The following WDR43 variants were observed in gnomAD, a reference collection of about 807,000 sequenced individuals.
WDR43 encodes WD repeat domain 43.
Under a neutral mutation model 91.4 loss-of-function variants are expected in WDR43, and 13 were observed. The ratio of observed to expected loss-of-function variants is 0.14; its 90% CI spans 0.09 to 0.23. WDR43 has a LOEUF of 0.23. Ranked by LOEUF, WDR43 falls within the 10% of genes least tolerant of loss-of-function variation. WDR43 has a pLI of 1.00. For missense variants in WDR43, 780 were observed against 809.4 expected, an observed-to-expected ratio of 0.96 and a Z score of 0.44; for synonymous variants, 331 against 287.9, an observed-to-expected ratio of 1.15 and a Z score of -1.51.
Position 28,926,932 on chromosome 2 carries a change from A to G in WDR43, c.1173+378A>G, listed in dbSNP as rs1046503298. 2.4e-5 allele frequency: 9 copies of G among 380,874 alleles called. No homozygotes were observed. The East Asian group carries it at 5.7e-4, about 24-fold the overall frequency. 23.6% of individuals were successfully genotyped at this position (380,874 alleles called of 1,614,324 possible). ...GGAATGCTGTATTTCAGGGTGTAAT[A>G]AAACCGTCATGGGGCTAGAATATAA... On this transcript the variant is annotated intron_variant, in intron 9 of 17. Coordinates refer to ENST00000407426, the MANE Select transcript of WDR43 (RefSeq NM_015131.3).
At chr2:28,941,366 T>C in intron 14 of WDR43, 95 bp from the exon 15 acceptor site, 1 of 857,142 alleles carries the variant, frequency 1.2e-6, no homozygotes, top group Non-Finnish European at 1.9e-6. Flanking sequence ...ATGTGTGTGG[T>C]GCAGTGGCTA....
chr2:28,925,006 A>G lies in WDR43; in HGVS notation c.939A>G (p.Ser313=). ...GGTACTGCAAAAAGCCTTTGACTTCAAACTGCACAATTCAGATAGCAACAC... is the reference window on the plus strand; with the variant it reads ...GGTACTGCAAAAAGCCTTTGACTTCGAACTGCACAATTCAGATAGCAACAC... ...LNGYCKKPLT[S]NCTIQIATPG... The change falls in exon 8 of 18, where the codon TCA becomes TCG. Residue 313 remains serine (S), a synonymous_variant. Coordinates refer to ENST00000407426, the MANE Select transcript of WDR43 (RefSeq NM_015131.3). The G allele has an allele frequency of 1.2e-6, 2 of 1,612,734 alleles. No homozygotes were observed. Among genetic ancestry groups the G allele is most frequent in the Non-Finnish European group, 1.7e-6 (2 of 1,179,550 alleles).
chr2:28,919,783 T>C (rs1010248081), intron 6 of WDR43, among the ~76,000 whole-genome samples: 14 of 152,358 alleles, frequency 9.2e-5, no homozygotes, highest in Middle Eastern at 3.4e-3. Flanking sequence ...TAATTGGATA[T>C]TCTGATCGTA....
chr2:28,931,806 A>C (rs1671252273), intron 11 of WDR43, among the ~76,000 whole-genome samples: 1 of 152,102 alleles, frequency 6.6e-6, no homozygotes, highest in Non-Finnish European at 1.5e-5. Flanking sequence ...GAAGTGGTTG[A>C]ATGATGAAAA....
intron 3 of WDR43, among the ~76,000 whole-genome samples, chr2:28,911,058 A>G (rs1351977668): frequency 7.0e-6 from 1 of 143,610 alleles, no homozygotes; most frequent in African/African-American, 2.5e-5. Flanking sequence ...TATGTAATTA[A>G]ATCAGGTCTT....
At chr2:28,940,556 A>G (rs1671416876) in intron 14 of WDR43, among the ~76,000 whole-genome samples, 1 of 152,172 alleles carries the variant, frequency 6.6e-6, no homozygotes, top group Non-Finnish European at 1.5e-5. Context: ...GAGCCCAGAG[A>G]TGGGAGGAAA....
intron 2 of WDR43, among the ~76,000 whole-genome samples, chr2:28,903,976 T>C (rs1199419358): frequency 6.6e-6 from 1 of 152,138 alleles, no homozygotes; most frequent in African/African-American, 2.4e-5. Flanking sequence ...GGCTCATTTT[T>C]GTATTTTTAG....
intron 12 of WDR43, 43 bp downstream of exon 12, chr2:28,935,650 G>T: frequency 7.4e-7 from 1 of 1,359,778 alleles, no homozygotes. Context: ...AATGCCATGA[G>T]TTAAATGGAA....
intron 16 of WDR43, among the ~76,000 whole-genome samples, chr2:28,944,299 G>A (rs1671501951): frequency 1.4e-5 from 2 of 143,196 alleles, no homozygotes; most frequent in African/African-American, 5.2e-5. Context: ...AAATTGATTT[G>A]TGTTAACATG....
chr2:28,946,570 G>C, intron 17 of WDR43, 30 bp from the exon 18 acceptor site: 1 of 1,574,766 alleles, frequency 6.4e-7, no homozygotes, highest in Non-Finnish European at 8.6e-7. Context: ...AGACCTTCAT[G>C]AATGCTTTCC....
intron 3 of WDR43, among the ~76,000 whole-genome samples, chr2:28,909,683 G>A (rs1263048462): frequency 1.2e-4 from 19 of 152,040 alleles, no homozygotes; most frequent in Non-Finnish European, 2.9e-5. Flanking sequence ...GACTGTCCTG[G>A]GAAACATAGT....
intron 13 of WDR43, 62 bp from the exon 14 acceptor site, chr2:28,937,869 C>T (rs2148198017): frequency 4.6e-6 from 7 of 1,534,336 alleles, no homozygotes; most frequent in South Asian, 2.3e-5. Context: ...GGTTTTCTAA[C>T]AGCTCAGTTG....
chr2:28,910,103 G>A (rs113576821), intron 3 of WDR43, among the ~76,000 whole-genome samples: 1 of 152,190 alleles, frequency 6.6e-6, no homozygotes, highest in African/African-American at 2.4e-5. Flanking sequence ...GTGTAACTAG[G>A]TTAGAGCTTG....
intron 7 of WDR43, among the ~76,000 whole-genome samples, chr2:28,924,352 T>G (rs1290030513): frequency 1.3e-5 from 2 of 152,176 alleles, no homozygotes; most frequent in Non-Finnish European, 2.9e-5. Context: ...GAGTGGTAGC[T>G]GGTATCTGGT....
Position 28,912,572 on chromosome 2 carries a change from T to C in WDR43, c.486-18T>C. ...TCTCTCATGTATTGAGATGCTTTTT[T>C]TTCTCTTCACAATATAGCAAATGGA... On this transcript the variant is annotated intron_variant, in intron 3 of 17. Transcript: ENST00000407426. 2 of 1,605,342 alleles carry C rather than the reference T, an allele frequency of 1.2e-6. No individual in the cohort carries two copies. The highest frequency in any genetic ancestry group is 1.7e-6 in the Non-Finnish European group (2 of 1,176,382).
chr2:28,925,767 C>T (rs1001229291), intron 8 of WDR43, among the ~76,000 whole-genome samples: 3 of 152,076 alleles, frequency 2.0e-5, no homozygotes, highest in Non-Finnish European at 4.4e-5. Flanking sequence ...ATTACATGCT[C>T]ACACAAGCAT....
At chr2:28,921,003 TC>T (rs34231148) in intron 6 of WDR43, among the ~76,000 whole-genome samples, 23,726 of 152,058 alleles carry the variant, frequency 0.16, 2,341 homozygotes, top group Non-Finnish European at 0.22. Context: ...TTTCTCTTTT[TC>T]TGACTGAATT....
At chr2:28,898,974 G>C (rs1670531759) in intron 1 of WDR43, among the ~76,000 whole-genome samples, 1 of 152,140 alleles carries the variant, frequency 6.6e-6, no homozygotes, top group South Asian at 2.1e-4. Flanking sequence ...TTCTCCCTCA[G>C]CCTTCTGATT....
intron 15 of WDR43, among the ~76,000 whole-genome samples, chr2:28,941,786 G>T (rs555258595): frequency 6.6e-6 from 1 of 151,970 alleles, no homozygotes; most frequent in South Asian, 2.1e-4. Flanking sequence ...TTAAATTTTC[G>T]TAGAGATGGC....
Sources: gnomAD v4.1 joint callset for allele counts (sites outside exome capture counted in the v4.1 genomes callset) on GRCh38, gnomAD v4.1.1 for gene constraint, MANE v1.5 for transcripts, NCBI Gene and HGNC (gene_info 2026-07-23, HGNC 2026-07-21) for gene names.